Variants in C2orf42 observed in about 807,000 individuals in gnomAD.
C2orf42 encodes the protein uncharacterized protein C2orf42.
A neutral mutation model predicts 58.9 loss-of-function variants in C2orf42; 44 were observed. The ratio of observed to expected loss-of-function variants is 0.75; its 90% CI spans 0.59 to 0.96. C2orf42 has a LOEUF of 0.96. Among genes scored for constraint, C2orf42 ranks in the 40% least tolerant of loss-of-function variants. C2orf42 has a pLI of 0.00. For missense variants in C2orf42, 630 were observed against 699.2 expected, an observed-to-expected ratio of 0.90 and a Z score of 1.12; for synonymous variants, 239 against 265.4, an observed-to-expected ratio of 0.90 and a Z score of 0.97.
At position 70,182,004 on chromosome 2, in the gene C2orf42, A is replaced by G. The variant is rs1470865307; in HGVS notation, c.-12-7T>C. 2.3e-6 allele frequency: 3 copies of G among 1,320,698 alleles called. No homozygotes were observed. The Admixed American group carries it at 5.3e-5, about 23-fold the overall frequency. 81.8% of individuals were successfully genotyped at this position (1,320,698 alleles called of 1,614,324 possible). ...GTTCCATTTTTCAGAGGCCCTACAA[A>G]AGACAATACATCCAACAGTATGAGT... On this transcript the variant is annotated splice_region_variant and splice_polypyrimidine_tract_variant and intron_variant, in intron 2 of 9. Coordinates refer to ENST00000264434, the MANE Select transcript of C2orf42 (RefSeq NM_017880.3).
intron 1 of C2orf42, chr2:70,190,666 G>A (rs1325071822): frequency 6.6e-6 from 1 of 152,218 alleles, no homozygotes; most frequent in Non-Finnish European, 1.5e-5. Flanking sequence ...TCAACGGAGC[G>A]GCCGCCCGAC....
intron 1 of C2orf42, among the ~76,000 whole-genome samples, chr2:70,185,574 G>A (rs1165590925): frequency 2.0e-5 from 3 of 151,826 alleles, no homozygotes; most frequent in African/African-American, 7.3e-5. Context: ...AGGCAGGCAT[G>A]ATGGCACATG....
At chr2:70,151,825 C>T (rs924194999) in intron 9 of C2orf42, among the ~76,000 whole-genome samples, 1 of 151,930 alleles carries the variant, frequency 6.6e-6, no homozygotes, top group Admixed American at 6.6e-5. Context: ...CTCTGTTGCC[C>T]AGGCTGGAGT....
At chr2:70,185,851 A>C (rs966968279) in intron 1 of C2orf42, among the ~76,000 whole-genome samples, 2 of 151,934 alleles carry the variant, frequency 1.3e-5, no homozygotes, top group Non-Finnish European at 2.9e-5. Context: ...GATGCATAGC[A>C]GGGTTTCTCC....
chr2:70,158,327 T>C (rs532771158), intron 9 of C2orf42, among the ~76,000 whole-genome samples: 18 of 152,232 alleles, frequency 1.2e-4, no homozygotes, highest in African/African-American at 4.3e-4. Flanking sequence ...TACAAGGTAC[T>C]GAGGACAGGG....
chr2:70,171,147 G>A (rs1673789410), intron 5 of C2orf42, among the ~76,000 whole-genome samples: 1 of 151,652 alleles, frequency 6.6e-6, no homozygotes, highest in Admixed American at 6.6e-5. Context: ...ATGGTGGTGC[G>A]TGACTGTGGT....
intron 9 of C2orf42, among the ~76,000 whole-genome samples, chr2:70,151,830 T>A (rs534250868): frequency 3.3e-5 from 5 of 152,268 alleles, no homozygotes; most frequent in African/African-American, 1.2e-4. Context: ...TTGCCCAGGC[T>A]GGAGTGCAGT....
intron 9 of C2orf42, among the ~76,000 whole-genome samples, chr2:70,156,407 C>T (rs1324109865): frequency 2.0e-5 from 3 of 151,868 alleles, no homozygotes; most frequent in Non-Finnish European, 4.4e-5. Context: ...ATCACTTGAA[C>T]CCAGGAGTTC....
chr2:70,165,202 G>GA lies in C2orf42; in HGVS notation c.1253-11dup. The GA allele has an allele frequency of 1.3e-6, 2 of 1,525,866 alleles. No homozygotes were observed. Among genetic ancestry groups the GA allele is most frequent in the Non-Finnish European group, 1.8e-6 (2 of 1,109,582 alleles). The allele number at this position is 1,525,866 out of a possible 1,614,324, so 94.5% of individuals were successfully genotyped here. On this transcript the variant is annotated splice_polypyrimidine_tract_variant and intron_variant, in intron 7 of 9. Transcript: ENST00000264434. Reference sequence around the variant, plus strand: ...TCTTTCCGAACAAAAGCTTCAACGTGAAAAAAGGACAAAATTAGATTACCA... The same window carrying GA: ...TCTTTCCGAACAAAAGCTTCAACGTGAAAAAAAGGACAAAATTAGATTACCA...
rs967908176 is a variant in C2orf42, at chr2:70,181,254, T to C, written c.732A>G (p.Arg244=). 2.5e-6 allele frequency: 4 copies of C among 1,612,352 alleles called. No individual in the cohort carries two copies. The African/African-American group carries it at 4.0e-5, about 16-fold the overall frequency. Residue 244 remains arginine (R), a synonymous_variant, in exon 3 of 10, where the codon AGA becomes AGG. Transcript: ENST00000264434. ...AGATGCAAGCAAAGAAATGAATGCA[T>C]CTCTGGGCTGTCTCATCCTTGGAGG... ...SNASKDETAQ[R]CIHFFACICA...
chr2:70,153,518 C>A (rs914503454), intron 9 of C2orf42, among the ~76,000 whole-genome samples: 1 of 151,206 alleles, frequency 6.6e-6, no homozygotes, highest in Non-Finnish European at 1.5e-5. Flanking sequence ...GCCACCACGC[C>A]CAGCTAATTT....
chr2:70,174,050 GTAATCTC>G (rs1674019154), intron 5 of C2orf42, among the ~76,000 whole-genome samples: 1 of 152,136 alleles, frequency 6.6e-6, no homozygotes, highest in Non-Finnish European at 1.5e-5. Context: ...GCTCACACCT[GTAATCTC>G]AGTACTTTGT....
chr2:70,157,035 C>A (rs1672717957), intron 9 of C2orf42, among the ~76,000 whole-genome samples: 1 of 152,246 alleles, frequency 6.6e-6, no homozygotes, highest in South Asian at 2.1e-4. Flanking sequence ...AACAACACTG[C>A]ATTTAAAATA....
At chr2:70,171,224 C>T (rs576957124) in intron 5 of C2orf42, among the ~76,000 whole-genome samples, 9 of 152,150 alleles carry the variant, frequency 5.9e-5, no homozygotes, top group Non-Finnish European at 1.2e-4. Context: ...TGCAGTGAGC[C>T]GAGATCATGC....
At position 70,160,634 on chromosome 2, in the gene C2orf42, G is replaced by A. The variant is rs1324784213; in HGVS notation, c.1507C>T (p.Leu503Phe). ...TTTGAAGTTCACTTACCAACTTTGAGAAAAGTTTTTAGTTCCAAGGGTCGC... is the reference window on the plus strand; with the variant it reads ...TTTGAAGTTCACTTACCAACTTTGAAAAAAGTTTTTAGTTCCAAGGGTCGC... ...VLRPLELKTF[L>F]KVGNTSPDQK... Residue 503 changes from leucine to phenylalanine, a missense_variant, in exon 9 of 10, where the codon CTC becomes TTC. Physicochemically the swap from Leu to Phe is conservative, Grantham distance 22. Coordinates refer to ENST00000264434, the MANE Select transcript of C2orf42 (RefSeq NM_017880.3). The A allele has an allele frequency of 6.2e-7, 1 of 1,603,288 alleles. No individual in the cohort carries two copies. The highest frequency in any genetic ancestry group is 8.5e-7 in the Non-Finnish European group (1 of 1,176,844).
In C2orf42 at chr2:70,162,019, C is replaced by CT. The variant is rs1226508775; in HGVS notation, c.1354-1233dup. Reference sequence around the variant, plus strand: ...ACCAGGCCTCACTTTTTCTTTTTTTCTTTTTTTTTGGAGATGGAGTCTAGC... The same window carrying CT: ...ACCAGGCCTCACTTTTTCTTTTTTTCTTTTTTTTTTGGAGATGGAGTCTAGC... On this transcript the variant is annotated intron_variant, in intron 8 of 9. Coordinates refer to ENST00000264434, the MANE Select transcript of C2orf42 (RefSeq NM_017880.3). Among the ~76,000 whole-genome samples, 353 of 150,010 alleles carry CT rather than the reference C, an allele frequency of 2.4e-3. 1 individual carries two copies. Among genetic ancestry groups the CT allele is most frequent in the African/African-American group, 8.1e-3 (331 of 40,944 alleles).
At chr2:70,157,395 C>T (rs1672745589) in intron 9 of C2orf42, among the ~76,000 whole-genome samples, 1 of 152,054 alleles carries the variant, frequency 6.6e-6, no homozygotes, top group African/African-American at 2.4e-5. Flanking sequence ...GCGGAGCCTG[C>T]AGTGAGCCGA....
chr2:70,181,554 T>C lies in C2orf42; in HGVS notation c.432A>G (p.Ala144=), dbSNP rs1674570830. ...TCTTCAGGGTCAGAGGGGTGGCCTC[T>C]GCCTGGCAGTTCACCGCCAGCTTGA... ...QHIKLAVNCQ[A]EATPLTLKSS... Residue 144 remains alanine (A), a synonymous_variant, in exon 3 of 10, where the codon GCA becomes GCG. Transcript: ENST00000264434. The C allele has an allele frequency of 6.2e-7, 1 of 1,614,014 alleles. No homozygotes were observed. The highest frequency in any genetic ancestry group is 1.1e-5 in the South Asian group (1 of 91,084).
intron 1 of C2orf42, among the ~76,000 whole-genome samples, chr2:70,189,763 A>G (rs1358112409): frequency 6.6e-6 from 1 of 150,696 alleles, no homozygotes; most frequent in African/African-American, 2.4e-5. Context: ...GTGGTGGCTC[A>G]CGCCTGTAAT....
Sources: gnomAD v4.1 joint callset for allele counts (sites outside exome capture counted in the v4.1 genomes callset) on GRCh38, gnomAD v4.1.1 for gene constraint, MANE v1.5 for transcripts, NCBI Gene and HGNC (gene_info 2026-07-23, HGNC 2026-07-21) for gene names.